Variants in DMPK observed in about 807,000 individuals in gnomAD.
The protein encoded by DMPK is DM1 protein kinase.
A neutral mutation model predicts 70.3 loss-of-function variants in DMPK; 32 were observed. The ratio of observed to expected loss-of-function variants is 0.46; its 90% CI spans 0.34 to 0.61. The LOEUF (loss-of-function observed/expected upper bound fraction) is 0.61, where lower values mean the gene tolerates loss of function less well. Ranked by LOEUF, DMPK falls within the 20% of genes least tolerant of loss-of-function variation. The pLI, the probability that DMPK is intolerant of heterozygous loss-of-function variation, is 0.01. For missense variants in DMPK, 899 were observed against 886.0 expected (o/e 1.01, Z -0.19); for synonymous variants, 469 against 390.9 (o/e 1.20, Z -2.36).
Position 45,771,340 on chromosome 19 carries a change from G to A in DMPK, c.1647+10C>T. 2 of 1,588,390 alleles carry A rather than the reference G, an allele frequency of 1.3e-6. No homozygotes were observed. Among genetic ancestry groups the A allele is most frequent in the Non-Finnish European group, 8.5e-7 (1 of 1,171,168 alleles). ...GCAGGTCTGAGGCAGGGGAAAGAGA[G>A]GGGTCTTACATGGGAAGGTGGATCC... On this transcript the variant is annotated intron_variant, in intron 13 of 14. Coordinates refer to ENST00000291270, the MANE Select transcript of DMPK (RefSeq NM_004409.5).
At position 45,771,357 on chromosome 19, in the gene DMPK, G is replaced by A. The variant is rs1202266967; in HGVS notation, c.1640C>T (p.Pro547Leu). The change falls in exon 13 of 15, where the codon CCT becomes CTT. Residue 547 changes from proline to leucine, a missense_variant. Pro to Leu is a moderately conservative substitution (Grantham distance 98, BLOSUM62 -3). Transcript: ENST00000291270. The part of the protein sequence containing the change: ...GVPSPRATDP[P>L]SHLDGPPAVA... ...GAAAGAGAGGGGTCTTACATGGGAAGGTGGATCCGTGGCCCGGGGACTGGG... is the reference window on the plus strand; with the variant it reads ...GAAAGAGAGGGGTCTTACATGGGAAAGTGGATCCGTGGCCCGGGGACTGGG... 1.3e-6 allele frequency: 2 copies of A among 1,599,836 alleles called. No individual in the cohort carries two copies. The highest frequency in any genetic ancestry group is 2.2e-5 in the South Asian group (2 of 89,818).
At position 45,770,227 on chromosome 19, in the gene DMPK, A is replaced by AGCGGCAGCGGCAGCG; in HGVS notation, c.*260_*261insCGCTGCCGCTGCCGC. The AGCGGCAGCGGCAGCG allele has an allele frequency of 4.7e-6, 1 of 211,962 alleles. No homozygotes were observed. Among genetic ancestry groups the AGCGGCAGCGGCAGCG allele is most frequent in the Non-Finnish European group, 6.1e-6 (1 of 163,818 alleles). 13.1% of individuals were successfully genotyped at this position (211,962 alleles called of 1,614,324 possible). ...CCCCAGCAGCAGCAGCAGCAGCAGCAGCAGCAGCAGCAGCAGCAGCAGCAG... is the reference window on the plus strand; with the variant it reads ...CCCCAGCAGCAGCAGCAGCAGCAGCAGCGGCAGCGGCAGCGGCAGCAGCAGCAGCAGCAGCAGCAG... On this transcript the variant is annotated 3_prime_UTR_variant, in exon 15 of 15. Transcript: ENST00000291270.
rs1030365757 is a variant in DMPK at position 45,775,005 on chromosome 19, C to T, written c.1176G>A (p.Ala392=). Residue 392 remains alanine (A), a synonymous_variant, in exon 9 of 15, where the codon GCG becomes GCA. Transcript: ENST00000291270. ...CAAAAGGCAGGTGGACCCCTAGCGGCGCACCTTCCCGAATGTCCGACAGTG... is the reference window on the plus strand; with the variant it reads ...CAAAAGGCAGGTGGACCCCTAGCGGTGCACCTTCCCGAATGTCCGACAGTG... ...GETLSDIREG[A]PLGVHLPFVG... is the part of the protein sequence containing the mutation. 14 of 1,613,762 alleles carry T rather than the reference C, an allele frequency of 8.7e-6. No individual in the cohort carries two copies. Among genetic ancestry groups the T allele is most frequent in the African/African-American group, 1.3e-5 (1 of 74,908 alleles).
chr19:45,779,560 G>C lies in DMPK; in HGVS notation c.253-38C>G, dbSNP rs1035378886. ...TAGTGAGACAGAGTGGAGACGGCGG[G>C]AAAACAAAAGGGCTCGCCCAGACCC... On this transcript the variant is annotated intron_variant, in intron 2 of 14. Coordinates refer to ENST00000291270, the MANE Select transcript of DMPK (RefSeq NM_004409.5). 35 of 1,611,528 alleles carry C rather than the reference G, an allele frequency of 2.2e-5. No homozygotes were observed. The East Asian group carries it at 6.7e-4, about 31-fold the overall frequency.
At chr19:45,778,293 GGGCAGT>G in intron 5 of DMPK, 73 bp from the exon 6 acceptor site, 1 of 1,468,176 alleles carries the variant, frequency 6.8e-7, no homozygotes. Context: ...CCGCCCCTCC[GGGCAGT>G]GCCACCTGGG....
rs149701607 is a variant in DMPK, at chr19:45,778,366, C to G, written c.581+127G>C. 3.6e-3 allele frequency: 4,975 copies of G among 1,389,322 alleles called. 19 individuals carry two copies. Among genetic ancestry groups the G allele is most frequent in the South Asian group, 4.8e-3 (361 of 75,916 alleles). The allele number at this position is 1,389,322 out of a possible 1,614,324, so 86.1% of individuals were successfully genotyped here. ...GCTTCTACAGTTCTGACCCCTACTCCCAGGCACCCCCCGGTGGGCCCCAAC... is the reference window on the plus strand; with the variant it reads ...GCTTCTACAGTTCTGACCCCTACTCGCAGGCACCCCCCGGTGGGCCCCAAC... On this transcript the variant is annotated intron_variant, in intron 5 of 14. Transcript: ENST00000291270.
At chr19:45,780,453 A>G (rs748363348) in intron 1 of DMPK, 2 of 1,262,026 alleles carry the variant, frequency 1.6e-6, no homozygotes, top group Non-Finnish European at 2.0e-6. Context: ...GCTCCGGTCC[A>G]GCCCATCTCT....
chr19:45,778,443 A>G, intron 5 of DMPK, 50 bp downstream of exon 5: 2 of 1,597,414 alleles, frequency 1.3e-6, no homozygotes, highest in Non-Finnish European at 1.7e-6. Flanking sequence ...ACCTTCCAAG[A>G]ACCCGGCCAG....
In DMPK at chr19:45,770,085, G is replaced by T. The variant is rs549351661; in HGVS notation, c.*403C>A. The T allele has an allele frequency of 1.7e-5, 9 of 534,198 alleles. No homozygotes were observed. The highest frequency in any genetic ancestry group is 7.8e-5 in the African/African-American group (4 of 51,316). 33.1% of individuals were successfully genotyped at this position (534,198 alleles called of 1,614,324 possible). A position where few individuals can be genotyped will look rare whatever the true frequency, so the allele number is the denominator to read the frequency against. On this transcript the variant is annotated 3_prime_UTR_variant, in exon 15 of 15. Transcript: ENST00000291270. ...TGCACTTTGCGAACCAACGATAGGTGGGGGTGCGTGGAGGATGGAACACGG... is the reference window on the plus strand; with the variant it reads ...TGCACTTTGCGAACCAACGATAGGTTGGGGTGCGTGGAGGATGGAACACGG...
intron 1 of DMPK, among the ~76,000 whole-genome samples, chr19:45,781,161 G>C (rs780415848): frequency 6.6e-6 from 1 of 152,202 alleles, no homozygotes; most frequent in Non-Finnish European, 1.5e-5. Context: ...GGAAGCAGGG[G>C]AAGGCGGAGA....
chr19:45,778,530 C>G lies in DMPK; in HGVS notation c.544G>C (p.Ala182Pro). The G allele has an allele frequency of 6.2e-7, 1 of 1,613,942 alleles. No homozygotes were observed. Among genetic ancestry groups the G allele is most frequent in the East Asian group, 2.2e-5 (1 of 44,882 alleles). Residue 182 changes from alanine to proline, a missense_variant, in exon 5 of 15, where the codon GCC (alanine) becomes CCC (proline). Transcript: ENST00000291270. ...ARFYLAEIVM[A>P]IDSVHRLGYV... Reference sequence around the variant, plus strand: ...CCAAGCCGGTGCACCGAGTCTATGGCCATGACAATCTCCGCCAGGTAGAAG... The same window carrying G: ...CCAAGCCGGTGCACCGAGTCTATGGGCATGACAATCTCCGCCAGGTAGAAG...
intron 4 of DMPK, chr19:45,779,020 C>T: frequency 1.7e-6 from 1 of 592,594 alleles, no homozygotes; most frequent in Non-Finnish European, 3.0e-6. Context: ...AGACCCCCCG[C>T]AACAGAGACA....
rs781005180 is a variant in DMPK at position 45,777,446 on chromosome 19, C to G, written c.1027G>C (p.Asp343His). The change falls in exon 8 of 15, where the codon GAC (aspartate) becomes CAC (histidine). Residue 343 changes from aspartate (D) to histidine (H), a missense_variant. Physicochemically the swap from Asp to His is moderately conservative, Grantham distance 81 (BLOSUM62 -1). Coordinates refer to ENST00000291270, the MANE Select transcript of DMPK (RefSeq NM_004409.5). This position sits in a 1 kb window ranked among gnomAD's most constrained non-coding sequence, Gnocchi z 6.7. ...ACGCTGTCCCGGAGACCATCCCAGT[C>G]GAGGCCAAAGAAGAAGGGATGTGTC... ...FRTHPFFFGL[D>H]WDGLRDSVPP... 8 of 1,613,502 alleles carry G rather than the reference C, an allele frequency of 5.0e-6. No individual in the cohort carries two copies. The South Asian group carries it at 5.5e-5, about 11-fold the overall frequency.
rs750253660 is a variant in DMPK, at chr19:45,777,655, G to C, written c.882+12C>G. ...ACCGGGAGAGGCCAGGTCTCCCTGCGGCCGTGCTCACCTTGTAGTGGACGA... is the reference window on the plus strand; with the variant it reads ...ACCGGGAGAGGCCAGGTCTCCCTGCCGCCGTGCTCACCTTGTAGTGGACGA... On this transcript the variant is annotated intron_variant, in intron 7 of 14. Transcript: ENST00000291270. This position sits in a 1 kb window ranked among gnomAD's most constrained non-coding sequence, Gnocchi z 6.7. The C allele has an allele frequency of 2.5e-6, 4 of 1,613,878 alleles. No homozygotes were observed. Among genetic ancestry groups the C allele is most frequent in the Non-Finnish European group, 3.4e-6 (4 of 1,180,010 alleles).
In DMPK at chr19:45,778,109, G is replaced by T; in HGVS notation, c.675+18C>A. 6.3e-7 allele frequency: 1 copy of T among 1,594,818 alleles called. No homozygotes were observed. Among genetic ancestry groups the T allele is most frequent in the Non-Finnish European group, 8.6e-7 (1 of 1,167,530 alleles). On this transcript the variant is annotated intron_variant, in intron 6 of 14. Coordinates refer to ENST00000291270, the MANE Select transcript of DMPK (RefSeq NM_004409.5). The stretch of plus-strand genomic sequence containing the variant: ...CATCAGCAGCCCCAGTTGCTCTGTG[G>T]CCAGGGCACTGGCTCACCGTTCCAT...
rs77315725 is a variant in DMPK, at chr19:45,777,962, T to G, written c.676-89A>C. On this transcript the variant is annotated intron_variant, in intron 6 of 14. Transcript: ENST00000291270. This position sits in a 1 kb window ranked among gnomAD's most constrained non-coding sequence, Gnocchi z 6.7. Reference sequence around the variant, plus strand: ...TCCTTCCAACCACTCCCCAAATGCTTAGCCCCTCCCTCTGCCTGGTCTAAT... The same window carrying G: ...TCCTTCCAACCACTCCCCAAATGCTGAGCCCCTCCCTCTGCCTGGTCTAAT... 7.4e-7 allele frequency: 1 copy of G among 1,352,258 alleles called. No homozygotes were observed. The highest frequency in any genetic ancestry group is 1.0e-6 in the Non-Finnish European group (1 of 978,212). The allele number at this position is 1,352,258 out of a possible 1,614,324, so 83.8% of individuals were successfully genotyped here.
At chr19:45,778,664 T>A (rs1969925237) in intron 4 of DMPK, 23 bp from the exon 5 acceptor site, 1 of 1,609,794 alleles carries the variant, frequency 6.2e-7, no homozygotes, top group Admixed American at 1.7e-5. Context: ...TCGTCATGGG[T>A]GGTTGGTAGT....
At chr19:45,776,872 T>C (rs998023347) in intron 8 of DMPK, 2 of 160,946 alleles carry the variant, frequency 1.2e-5, no homozygotes, top group African/African-American at 4.8e-5. Context: ...AGAGCTCATC[T>C]GGTCCGTGCT....
intron 1 of DMPK, among the ~76,000 whole-genome samples, chr19:45,781,842 G>A (rs1555789376): frequency 1.3e-5 from 2 of 152,186 alleles, no homozygotes; most frequent in South Asian, 2.1e-4. Context: ...TTTGGGGGGA[G>A]GGTCCTAGGA....
Sources: allele counts gnomAD v4.1 joint callset (sites outside exome capture counted in the v4.1 genomes callset), GRCh38; gene constraint gnomAD v4.1.1; non-coding constraint Gnocchi (gnomAD v3.1); transcripts MANE v1.5; gene names NCBI Gene and HGNC (gene_info 2026-07-23, HGNC 2026-07-21).